Variants in NAV2 observed in about 807,000 individuals in gnomAD.
The protein encoded by NAV2 is neuron navigator 2.
Under a neutral mutation model 223.2 loss-of-function variants are expected in NAV2, and 54 were observed. The ratio of observed to expected loss-of-function variants is 0.24; its 90% confidence interval spans 0.19 to 0.30. The LOEUF is 0.30. NAV2 is among the 10% of genes least tolerant of loss of function. The pLI, the probability that NAV2 is intolerant of heterozygous loss-of-function variation, is 1.00. For synonymous variants in NAV2, 1,279 were observed against 1,239.3 expected, an observed-to-expected ratio of 1.03 and a Z score of -0.67; for missense variants, 2,806 against 3,147.5, an observed-to-expected ratio of 0.89 and a Z score of 2.60.
chr11:19,991,407 G>T (rs1254169053), intron 11 of NAV2, among the ~76,000 whole-genome samples: 1 of 152,118 alleles, frequency 6.6e-6, no homozygotes, highest in Non-Finnish European at 1.5e-5. Context: ...TTACAGGTGT[G>T]AGCCACTGTG....
intron 11 of NAV2, among the ~76,000 whole-genome samples, chr11:20,017,066 T>C (rs2054074292): frequency 6.6e-6 from 1 of 152,026 alleles, no homozygotes; most frequent in African/African-American, 2.4e-5. Flanking sequence ...AGGGAGGCCC[T>C]CTTGCTTATC....
chr11:20,082,553 C>T lies in NAV2; in HGVS notation c.5326-454C>T, dbSNP rs769411719. On this transcript the variant is annotated intron_variant, in intron 25 of 37. Coordinates refer to ENST00000349880, the MANE Select transcript of NAV2 (RefSeq NM_145117.5). ...CTCTGTTAAAAAATTGTCTTTTTTC[C>T]TCCCCCTTCCCCATTTTTGCTTGCG... The T allele has an allele frequency of 1.9e-5, 30 of 1,612,840 alleles. No individual in the cohort carries two copies. In the African/African-American group the frequency reaches 3.7e-4, roughly 20 times the overall value.
intron 6 of NAV2, among the ~76,000 whole-genome samples, chr11:19,898,575 A>G (rs1241413382): frequency 1.3e-5 from 2 of 152,180 alleles, no homozygotes; most frequent in Admixed American, 6.5e-5. Flanking sequence ...ATTTACCACA[A>G]TATCGTTTAA....
intron 1 of NAV2, among the ~76,000 whole-genome samples, chr11:19,594,870 C>A (rs1462224499): frequency 1.3e-5 from 2 of 152,152 alleles, no homozygotes; most frequent in East Asian, 3.8e-4. Flanking sequence ...TGAGATATTG[C>A]ACATAAAGCA....
At chr11:20,109,932 G>T (rs1180316528) in intron 36 of NAV2, among the ~76,000 whole-genome samples, 1 of 152,250 alleles carries the variant, frequency 6.6e-6, no homozygotes, top group Non-Finnish European at 1.5e-5. Context: ...GTTAACAGTG[G>T]TTGGCGGTGC....
chr11:19,518,949 G>A (rs570004150), intron 1 of NAV2, among the ~76,000 whole-genome samples: 3 of 152,206 alleles, frequency 2.0e-5, no homozygotes, highest in East Asian at 1.9e-4. Context: ...CACCTTTTCT[G>A]CTGTGTAAGG....
At chr11:20,062,153 TG>T (rs1267450514) in intron 19 of NAV2, among the ~76,000 whole-genome samples, 153 bp from the exon 20 acceptor site, 1 of 152,244 alleles carries the variant, frequency 6.6e-6, no homozygotes, top group Non-Finnish European at 1.5e-5. Flanking sequence ...TATTTGTCAC[TG>T]ACCTATCGCC....
intron 11 of NAV2, among the ~76,000 whole-genome samples, chr11:20,010,547 CCTCT>C (rs1166903440): frequency 1.3e-5 from 2 of 152,124 alleles, no homozygotes; most frequent in African/African-American, 4.8e-5. Context: ...TTCAAACACG[CCTCT>C]CTGTCTCTTG....
chr11:19,675,723 G>A (rs1055314585), intron 1 of NAV2, among the ~76,000 whole-genome samples: 4 of 152,128 alleles, frequency 2.6e-5, no homozygotes, highest in Admixed American at 6.6e-5. Flanking sequence ...GGCCAGTCCC[G>A]GGGCCCAAAT....
At chr11:19,763,886 C>G (rs545239055) in intron 1 of NAV2, among the ~76,000 whole-genome samples, 25 of 152,014 alleles carry the variant, frequency 1.6e-4, no homozygotes, top group Admixed American at 3.9e-4. Context: ...ACTGCCCTGC[C>G]CACTGCAAAA....
At chr11:19,853,768 T>C (rs63276060) in intron 3 of NAV2, among the ~76,000 whole-genome samples, 3 of 138,232 alleles carry the variant, frequency 2.2e-5, no homozygotes, top group South Asian at 2.3e-4. Context: ...TTTTTTTTTT[T>C]CCACTGAACG....
chr11:19,478,122 A>G (rs1339505627), intron 1 of NAV2, among the ~76,000 whole-genome samples: 1 of 152,244 alleles, frequency 6.6e-6, no homozygotes, highest in Non-Finnish European at 1.5e-5. Flanking sequence ...CATTGGGCAG[A>G]AAATGGTCAG....
At chr11:19,702,665 C>G (rs2152286807) in intron 1 of NAV2, among the ~76,000 whole-genome samples, 1 of 152,112 alleles carries the variant, frequency 6.6e-6, no homozygotes, top group South Asian at 2.1e-4. Context: ...ATAGTCCCAA[C>G]TACATGGGAG....
At chr11:19,738,468 A>G (rs999127289) in intron 1 of NAV2, among the ~76,000 whole-genome samples, 3 of 152,210 alleles carry the variant, frequency 2.0e-5, no homozygotes, top group African/African-American at 7.2e-5. Context: ...GTTCTGGAGA[A>G]AATACGGAGA....
At chr11:19,353,439 T>G (rs1853440288) in intron 1 of NAV2, among the ~76,000 whole-genome samples, 1 of 152,174 alleles carries the variant, frequency 6.6e-6, no homozygotes, top group African/African-American at 2.4e-5. Flanking sequence ...GTGAAAAGCG[T>G]CATGGAATAT....
At chr11:19,676,063 A>G (rs1288076085) in intron 1 of NAV2, among the ~76,000 whole-genome samples, 2 of 152,114 alleles carry the variant, frequency 1.3e-5, no homozygotes, top group Non-Finnish European at 1.5e-5. Context: ...TGCCCCTTCT[A>G]CCCACCCTGA....
chr11:19,767,042 G>C (rs547836323), intron 1 of NAV2, among the ~76,000 whole-genome samples: 1 of 152,244 alleles, frequency 6.6e-6, no homozygotes, highest in East Asian at 1.9e-4. Context: ...GGATGGACTG[G>C]GTAGTGAGCC....
intron 1 of NAV2, among the ~76,000 whole-genome samples, chr11:19,591,816 G>A (rs958646614): frequency 3.9e-5 from 6 of 152,118 alleles, no homozygotes; most frequent in African/African-American, 1.4e-4. Flanking sequence ...TGCTTCCTGG[G>A]ACCCCAAGAC....
At chr11:20,097,547 G>C in intron 30 of NAV2, 30 bp from the exon 31 acceptor site, 1 of 1,537,632 alleles carries the variant, frequency 6.5e-7, no homozygotes, top group Non-Finnish European at 8.7e-7. Context: ...CCACATCTTT[G>C]ATGGGGTCTT....
Sources: allele counts gnomAD v4.1 joint callset (sites outside exome capture counted in the v4.1 genomes callset), GRCh38; gene constraint gnomAD v4.1.1; transcripts MANE v1.5; gene names NCBI Gene and HGNC (gene_info 2026-07-23, HGNC 2026-07-21).